Variants in TULP3 observed in about 807,000 individuals in gnomAD.
The protein encoded by TULP3 is TUB like protein 3.
TULP3 carries 38 observed loss-of-function variants against 50.7 expected under a neutral mutation model. The observed-to-expected ratio is 0.75, with a 90% CI of 0.58 to 0.98. The LOEUF is 0.98. Among genes scored for constraint, TULP3 ranks in the 50% least tolerant of loss-of-function variants. TULP3 has a pLI of 0.00. For synonymous variants in TULP3, 183 were observed against 196.6 expected, an observed-to-expected ratio of 0.93 and a Z score of 0.58; for missense variants, 550 against 568.0, an observed-to-expected ratio of 0.97 and a Z score of 0.32.
intron 1 of TULP3, among the ~76,000 whole-genome samples, chr12:2,895,154 C>T (rs549624935): frequency 2.0e-5 from 3 of 152,258 alleles, no homozygotes; most frequent in African/African-American, 7.2e-5. Context: ...CTTGCAAAAT[C>T]AGGAGGGGTT....
intron 2 of TULP3, among the ~76,000 whole-genome samples, chr12:2,917,251 G>A (rs2098189142): frequency 6.6e-6 from 1 of 151,998 alleles, no homozygotes; most frequent in African/African-American, 2.4e-5. Context: ...GGAATCAGAG[G>A]GAATGAGGTC....
intron 1 of TULP3, among the ~76,000 whole-genome samples, chr12:2,895,769 A>C (rs2153947492): frequency 6.6e-6 from 1 of 152,238 alleles, no homozygotes; most frequent in South Asian, 2.1e-4. Context: ...TGAACGTCAT[A>C]GTGTACACAA....
intron 2 of TULP3, among the ~76,000 whole-genome samples, chr12:2,918,007 T>G (rs1436636960): frequency 6.6e-6 from 1 of 152,062 alleles, no homozygotes; most frequent in Non-Finnish European, 1.5e-5. Flanking sequence ...GAGAATTGCT[T>G]GAACCCAGGA....
intron 8 of TULP3, 63 bp downstream of exon 8, chr12:2,934,624 T>C: frequency 9.2e-7 from 1 of 1,087,248 alleles, no homozygotes; most frequent in Middle Eastern, 2.5e-4. Flanking sequence ...ACTTTTCACC[T>C]AGTGTCGCTG....
chr12:2,929,677 G>A (rs903954643), intron 4 of TULP3, among the ~76,000 whole-genome samples: 5 of 151,804 alleles, frequency 3.3e-5, no homozygotes, highest in African/African-American at 9.7e-5. Flanking sequence ...TGCAAGCTCC[G>A]CCTCCCAGGT....
chr12:2,926,854 C>T (rs2098194985), intron 4 of TULP3, among the ~76,000 whole-genome samples: 1 of 152,206 alleles, frequency 6.6e-6, no homozygotes, highest in African/African-American at 2.4e-5. Flanking sequence ...TTGCAGTGAA[C>T]AGACATCGCG....
In TULP3 at chr12:2,933,479, T is replaced by C; in HGVS notation, c.758T>C (p.Ile253Thr). The C allele has an allele frequency of 1.2e-6, 2 of 1,614,068 alleles. No homozygotes were observed. Among genetic ancestry groups the C allele is most frequent in the African/African-American group, 1.3e-5 (1 of 75,032 alleles). ...KSKTANYLIS[I>T]DPVDLSREGE... ...AAAACAGCCAACTACCTTATCTCCA[T>C]TGATCCAGTTGATTTATCTCGTGAA... The change falls in exon 7 of 11, where the codon ATT (isoleucine) becomes ACT (threonine). Residue 253 changes from isoleucine (I) to threonine (T), a missense_variant. Coordinates refer to ENST00000448120, the MANE Select transcript of TULP3 (RefSeq NM_003324.5).
At chr12:2,935,048 C>T (rs1056492962) in intron 8 of TULP3, among the ~76,000 whole-genome samples, 50 of 152,214 alleles carry the variant, frequency 3.3e-4, no homozygotes, top group African/African-American at 9.6e-4. Context: ...CTATCTAGCT[C>T]GTTCTCTGCT....
intron 1 of TULP3, among the ~76,000 whole-genome samples, chr12:2,898,722 C>T (rs2098177024): frequency 6.6e-6 from 1 of 152,054 alleles, no homozygotes; most frequent in South Asian, 2.1e-4. Context: ...CACTATGTGC[C>T]CAGGCTGAGT....
chr12:2,930,248 A>C lies in TULP3; in HGVS notation c.395A>C (p.Asp132Ala). 6.2e-7 allele frequency: 1 copy of C among 1,608,930 alleles called. No homozygotes were observed. Among genetic ancestry groups the C allele is most frequent in the Non-Finnish European group, 8.5e-7 (1 of 1,176,656 alleles). ...PGLQERLQKHDISESVNFDEE... is the reference protein window; with the variant it reads ...PGLQERLQKHAISESVNFDEE... ...CTAACAGTTCTTCCTTTTCTGCTAG[A>C]TATCTCTGAAAGTGTGAACTTCGAT... The change falls in exon 5 of 11, where the codon GAT (aspartate) becomes GCT (alanine). Residue 132 changes from aspartate to alanine, a missense_variant and splice_region_variant. Physicochemically the swap from Asp to Ala is moderately radical, Grantham distance 126 (BLOSUM62 -2). Coordinates refer to ENST00000448120, the MANE Select transcript of TULP3 (RefSeq NM_003324.5).
chr12:2,931,169 G>T lies in TULP3; in HGVS notation c.625G>T (p.Asp209Tyr). The T allele has an allele frequency of 1.2e-6, 2 of 1,614,190 alleles. No homozygotes were observed. The highest frequency in any genetic ancestry group is 1.7e-6 in the Non-Finnish European group (2 of 1,180,040). The change falls in exon 6 of 11, where the codon GAT becomes TAT. Residue 209 changes from aspartate to tyrosine, a missense_variant. Transcript: ENST00000448120. ...GVTVRCRIIR[D>Y]KRGMDRGLFP... is the part of the protein sequence containing the mutation. ...CACAGTAAGATGTCGGATAATCCGGGATAAAAGGGGAATGGATCGGGGTCT... is the reference window on the plus strand; with the variant it reads ...CACAGTAAGATGTCGGATAATCCGGTATAAAAGGGGAATGGATCGGGGTCT...
At chr12:2,895,678 CTCTT>C (rs61622277) in intron 1 of TULP3, among the ~76,000 whole-genome samples, 71,752 of 151,368 alleles carry the variant, frequency 0.47, 17,365 homozygotes, top group African/African-American at 0.59. Flanking sequence ...AATCTGATGC[CTCTT>C]TCACTCTATA....
At position 2,900,224 on chromosome 12, in the gene TULP3, A is replaced by C. The variant is rs944870067; in HGVS notation, c.41+9236A>C. 9.2e-5 allele frequency among the ~76,000 whole-genome samples: 14 copies of C among 152,098 alleles called. 1 individual carries two copies. Among genetic ancestry groups the C allele is most frequent in the Admixed American group, 9.2e-4 (14 of 15,250 alleles). On this transcript the variant is annotated intron_variant, in intron 1 of 10. Coordinates refer to ENST00000448120, the MANE Select transcript of TULP3 (RefSeq NM_003324.5). Reference sequence around the variant, plus strand: ...GCGACAGAGCAAGACTCTGTCTCAGAAACAAAAACAAAAAAACTTGGATTC... The same window carrying C: ...GCGACAGAGCAAGACTCTGTCTCAGCAACAAAAACAAAAAAACTTGGATTC...
At chr12:2,905,739 A>G (rs2098181826) in intron 1 of TULP3, among the ~76,000 whole-genome samples, 1 of 152,068 alleles carries the variant, frequency 6.6e-6, no homozygotes, top group African/African-American at 2.4e-5. Flanking sequence ...ATGTACTGTC[A>G]GAGACACACC....
chr12:2,922,778 T>C (rs562461771), intron 4 of TULP3, among the ~76,000 whole-genome samples: 2 of 152,282 alleles, frequency 1.3e-5, no homozygotes, highest in African/African-American at 2.4e-5. Context: ...TTTCTTCTAG[T>C]TGGAGCTCTC....
intron 5 of TULP3, 167 bp from the exon 6 acceptor site, chr12:2,930,870 A>C: frequency 1.4e-6 from 1 of 723,946 alleles, no homozygotes; most frequent in Non-Finnish European, 2.4e-6. Context: ...ACTCTTCATT[A>C]CTCTCAATAT....
intron 4 of TULP3, 131 bp downstream of exon 4, chr12:2,922,533 A>G (rs1224867913): frequency 1.8e-6 from 2 of 1,107,858 alleles, no homozygotes; most frequent in Non-Finnish European, 2.5e-6. Flanking sequence ...CAGAGGTGAC[A>G]GTGTTTAGCA....
At chr12:2,930,766 G>C (rs1439855556) in intron 5 of TULP3, 1 of 541,550 alleles carries the variant, frequency 1.8e-6, no homozygotes. Flanking sequence ...CTGAGTGAGG[G>C]TTCCTTCAGA....
intron 1 of TULP3, among the ~76,000 whole-genome samples, chr12:2,897,405 A>G (rs1270509236): frequency 1.3e-5 from 2 of 152,214 alleles, no homozygotes; most frequent in African/African-American, 4.8e-5. Flanking sequence ...TGATGAAATC[A>G]TTAGTCTTCT....
Sources: gnomAD v4.1 joint callset for allele counts (sites outside exome capture counted in the v4.1 genomes callset) on GRCh38, gnomAD v4.1.1 for gene constraint, MANE v1.5 for transcripts, NCBI Gene and HGNC (gene_info 2026-07-23, HGNC 2026-07-21) for gene names.